Variants in BICRAL observed in about 807,000 individuals in gnomAD.
BICRAL encodes the protein BICRA like chromatin remodeling complex associated protein.
A neutral mutation model predicts 91.8 loss-of-function variants in BICRAL; 8 were observed. The observed-to-expected ratio is 0.09, with a 90% confidence interval of 0.05 to 0.16. The LOEUF is 0.16. Ranked by LOEUF, BICRAL falls within the 10% of genes least tolerant of loss-of-function variation. BICRAL has a pLI of 1.00. For missense variants in BICRAL, 1,038 were observed against 1,310.9 expected (o/e 0.79, Z 3.21); for synonymous variants, 445 against 491.1 (o/e 0.91, Z 1.24).
At chr6:42,836,297 G>A (rs982544509) in intron 6 of BICRAL, among the ~76,000 whole-genome samples, 2 of 152,010 alleles carry the variant, frequency 1.3e-5, no homozygotes, top group Admixed American at 6.6e-5. Flanking sequence ...TTCAAAGGGA[G>A]GGGGGAGAAA....
chr6:42,865,991 C>A lies in BICRAL; in HGVS notation c.*545C>A, dbSNP rs1045204945. On this transcript the variant is annotated 3_prime_UTR_variant, in exon 13 of 13. Coordinates refer to ENST00000314073, the MANE Select transcript of BICRAL (RefSeq NM_001393499.1). ...TGAGGGGAAGACCACATGGTTCTTC[C>A]CCCTCAGCCATCTTTGAGCAGTAAA... 3 of 152,156 alleles carry A rather than the reference C, an allele frequency of 2.0e-5. No individual in the cohort carries two copies. The highest frequency in any genetic ancestry group is 2.9e-5 in the Non-Finnish European group (2 of 68,274). The allele number at this position is 152,156 out of a possible 1,614,324, so 9.4% of individuals were successfully genotyped here.
Position 42,829,533 on chromosome 6 carries a change from G to T in BICRAL, c.1200G>T (p.Gln400His). ...GCCAACCTCACGCACCCCAAAGTCA[G>T]TTCCTTATACCTACAAGCCTTTCTG... ...PMGQPHAPQS[Q>H]FLIPTSLSVS... Residue 400 changes from glutamine to histidine, a missense_variant, in exon 6 of 13, where the codon CAG becomes CAT. Physicochemically the swap from Gln to His is conservative, Grantham distance 24. This residue lies in a region of BICRAL where 532 missense variants were observed against 724.9 expected (regional missense o/e 0.73). Coordinates refer to ENST00000314073, the MANE Select transcript of BICRAL (RefSeq NM_001393499.1). The T allele has an allele frequency of 1.2e-6, 2 of 1,614,192 alleles. No homozygotes were observed. The highest frequency in any genetic ancestry group is 1.7e-6 in the Non-Finnish European group (2 of 1,180,026).
At chr6:42,779,223 AACACACAC>A (rs57493144), upstream of BICRAL, among the ~76,000 whole-genome samples, 14,146 of 132,398 alleles carry the variant, frequency 0.11, 807 homozygotes, top group African/African-American at 0.16. Context: ...TCTCAAGAAA[AACACACAC>A]ACACACACAC....
intron 1 of BICRAL, among the ~76,000 whole-genome samples, chr6:42,764,354 C>G (rs956432128): frequency 3.3e-5 from 5 of 151,198 alleles, no homozygotes; most frequent in African/African-American, 1.2e-4. Context: ...GAGTTCAAGA[C>G]CAGCCTAGGC....
chr6:42,850,907 T>C (rs1765157946), intron 6 of BICRAL, among the ~76,000 whole-genome samples: 1 of 151,754 alleles, frequency 6.6e-6, no homozygotes, highest in South Asian at 2.1e-4. Context: ...AAGCCCTTTA[T>C]TGGCTGGGTG....
chr6:42,851,054 A>G (rs1327932125), intron 6 of BICRAL, among the ~76,000 whole-genome samples: 1 of 150,084 alleles, frequency 6.7e-6, no homozygotes, highest in Non-Finnish European at 1.5e-5. Flanking sequence ...ACGTGGTGGC[A>G]TGCACCTGTA....
chr6:42,794,972 A>AAC (rs1562465449), intron 1 of BICRAL, among the ~76,000 whole-genome samples: 1 of 151,520 alleles, frequency 6.6e-6, no homozygotes, highest in East Asian at 1.9e-4. Flanking sequence ...AAAAAAAAAA[A>AAC]AGAAACTTAC....
chr6:42,843,440 A>G (rs1764872006), intron 6 of BICRAL, among the ~76,000 whole-genome samples: 2 of 152,232 alleles, frequency 1.3e-5, no homozygotes, highest in South Asian at 4.1e-4. Flanking sequence ...TAGGTCTTGG[A>G]TGCCATGATA....
chr6:42,828,256 C>T (rs1029550369), intron 5 of BICRAL, among the ~76,000 whole-genome samples: 2 of 151,948 alleles, frequency 1.3e-5, no homozygotes, highest in African/African-American at 2.4e-5. Flanking sequence ...AAAAAATTAG[C>T]TGGGCGCGGT....
chr6:42,847,264 A>G (rs866205358), intron 6 of BICRAL, among the ~76,000 whole-genome samples: 2 of 152,180 alleles, frequency 1.3e-5, no homozygotes, highest in Non-Finnish European at 2.9e-5. Flanking sequence ...CAAAAACAAC[A>G]ATGAATAAAC....
chr6:42,831,354 C>A (rs936247632), intron 6 of BICRAL, among the ~76,000 whole-genome samples: 1 of 152,080 alleles, frequency 6.6e-6, no homozygotes, highest in Admixed American at 6.6e-5. Context: ...AACTGGCCTG[C>A]CCCAGAGGGA....
chr6:42,814,907 ACTTTTTTTTTT>A (rs1166831015), intron 2 of BICRAL, among the ~76,000 whole-genome samples: 2 of 151,534 alleles, frequency 1.3e-5, no homozygotes, highest in Non-Finnish European at 2.9e-5. Context: ...CTGTTCTATT[ACTTTTTTTTTT>A]CTTTTTTTTT....
rs758007416 is a variant in BICRAL at position 42,841,075 on chromosome 6, TAAAAAAAAAAAA to T, written c.1839+10917_1839+10928del. Among the ~76,000 whole-genome samples the T allele has an allele frequency of 3.5e-5, 3 of 85,308 alleles. No homozygotes were observed. In the South Asian group the frequency reaches 1.4e-3, roughly 40 times the overall value. 56.0% of individuals were successfully genotyped at this position (85,308 alleles called of 152,430 possible). A position where few individuals can be genotyped will look rare whatever the true frequency, so the allele number is the denominator to read the frequency against. On this transcript the variant is annotated intron_variant, in intron 6 of 12. Coordinates refer to ENST00000314073, the MANE Select transcript of BICRAL (RefSeq NM_001393499.1). ...AGGCGACAGAGCAAGACTCAATCTT[TAAAAAAAAAAAA>T]AAAAAAAAAAAAATTGAAAGCGGCT...
At chr6:42,818,254 G>A (rs1235633205) in intron 2 of BICRAL, among the ~76,000 whole-genome samples, 1 of 152,058 alleles carries the variant, frequency 6.6e-6, no homozygotes, top group African/African-American at 2.4e-5. Flanking sequence ...TTGTAAGTAA[G>A]GTTGATTATT....
intron 1 of BICRAL, among the ~76,000 whole-genome samples, chr6:42,762,685 C>G (rs990948013): frequency 2.6e-5 from 4 of 152,142 alleles, no homozygotes; most frequent in African/African-American, 9.7e-5. Flanking sequence ...GTGGTAGACA[C>G]ACCTATAATC....
chr6:42,794,306 T>G (rs1206148104), intron 1 of BICRAL, among the ~76,000 whole-genome samples: 2 of 152,156 alleles, frequency 1.3e-5, no homozygotes, highest in Non-Finnish European at 2.9e-5. Context: ...AAATGACATT[T>G]GGGTAACCAT....
chr6:42,798,132 A>G (rs1345794967), intron 1 of BICRAL, among the ~76,000 whole-genome samples: 1 of 152,142 alleles, frequency 6.6e-6, no homozygotes, highest in East Asian at 1.9e-4. Flanking sequence ...AGTAGGAGCT[A>G]AACAATGGTA....
chr6:42,855,216 A>G (rs954626412), intron 8 of BICRAL, among the ~76,000 whole-genome samples: 1 of 152,222 alleles, frequency 6.6e-6, no homozygotes, highest in Admixed American at 6.5e-5. Context: ...GATAGTATCT[A>G]CTGACTTTTC....
chr6:42,857,614 A>AAAAAAAAATATAT, intron 10 of BICRAL, among the ~76,000 whole-genome samples: 57 of 96,206 alleles, frequency 5.9e-4, no homozygotes, highest in Middle Eastern at 6.3e-3. Context: ...AAAAAAAAAA[A>AAAAAAAAATATAT]ATATATATAT....
Sources: allele counts gnomAD v4.1 joint callset (sites outside exome capture counted in the v4.1 genomes callset), GRCh38; gene constraint gnomAD v4.1.1; regional missense constraint gnomAD v4.1.1; transcripts MANE v1.5; gene names NCBI Gene and HGNC (gene_info 2026-07-23, HGNC 2026-07-21).